The following DMD variants were observed in gnomAD, a reference collection of about 807,000 sequenced individuals.
DMD encodes the protein dystrophin.
Under a neutral mutation model 330.1 loss-of-function variants are expected in DMD, and 63 were observed. That is an observed-to-expected ratio of 0.19 (90% CI 0.16 to 0.24). The LOEUF (loss-of-function observed/expected upper bound fraction) is 0.24, where lower values mean the gene tolerates loss of function less well. Among genes scored for constraint, DMD ranks in the 10% least tolerant of loss-of-function variants. The pLI, the probability that DMD is intolerant of heterozygous loss-of-function variation, is 1.00. For missense variants in DMD, 3,344 were observed against 2,684.1 expected (o/e 1.25, Z -5.43); for synonymous variants, 1,223 against 959.8 (o/e 1.27, Z -5.07).
intron 50 of DMD, among the ~76,000 whole-genome samples, chrX:31,775,359 A>G (rs1442926207): frequency 2.7e-5 from 3 of 111,102 alleles, no homozygotes; most frequent in Non-Finnish European, 3.8e-5. Context: ...GAGAAACTGG[A>G]GATAAGGCCC....
At chrX:32,053,656 C>T (rs1202227212) in intron 44 of DMD, among the ~76,000 whole-genome samples, 2 of 111,098 alleles carry the variant, frequency 1.8e-5, no homozygotes, top group Non-Finnish European at 3.8e-5. Flanking sequence ...CCTTTGTTCC[C>T]TCTGTCAGAG....
At chrX:31,540,606 A>C (rs1025980222) in intron 55 of DMD, among the ~76,000 whole-genome samples, 2 of 111,796 alleles carry the variant, frequency 1.8e-5, no homozygotes, top group African/African-American at 3.3e-5. Flanking sequence ...ACACCAACCT[A>C]TATTTGACTC....
At chrX:31,670,721 G>A (rs1275846632) in intron 53 of DMD, among the ~76,000 whole-genome samples, 6 of 111,177 alleles carry the variant, frequency 5.4e-5, no homozygotes, top group African/African-American at 1.6e-4. Flanking sequence ...TGTTTTTCCC[G>A]TGGTCAGTGC....
At chrX:33,333,221 ATTTT>A (rs1454955284) in intron 1 of DMD, among the ~76,000 whole-genome samples, 2 of 111,325 alleles carry the variant, frequency 1.8e-5, no homozygotes, top group Admixed American at 1.9e-4. Context: ...CTTTCACAGA[ATTTT>A]TTCTTTCTGT....
intron 56 of DMD, among the ~76,000 whole-genome samples, chrX:31,506,860 T>C (rs2070999701): frequency 8.9e-6 from 1 of 112,252 alleles, no homozygotes; most frequent in South Asian, 3.7e-4. Context: ...TATATAATTG[T>C]AATGTGTTAT....
At chrX:31,225,289 A>T (rs2046469714) in intron 63 of DMD, among the ~76,000 whole-genome samples, 1 of 112,518 alleles carries the variant, frequency 8.9e-6, no homozygotes, top group Non-Finnish European at 1.9e-5. Context: ...TTAATCAAAA[A>T]GCCTCATGCC....
intron 2 of DMD, among the ~76,000 whole-genome samples, chrX:32,997,208 T>G (rs1375471360): frequency 9.1e-6 from 1 of 110,332 alleles, no homozygotes; most frequent in Non-Finnish European, 1.9e-5. Flanking sequence ...GGGTACACTG[T>G]AGGTGTATAA....
chrX:33,042,824 G>C (rs1321587697), intron 1 of DMD, among the ~76,000 whole-genome samples: 1 of 111,693 alleles, frequency 9.0e-6, no homozygotes, highest in Non-Finnish European at 1.9e-5. Context: ...GTTATCTAAA[G>C]TTTACATTAA....
At chrX:32,412,737 T>G (rs1183160114) in intron 29 of DMD, among the ~76,000 whole-genome samples, 1 of 111,569 alleles carries the variant, frequency 9.0e-6, no homozygotes, top group Non-Finnish European at 1.9e-5. Context: ...TATGTGTCAT[T>G]TAAAATACAT....
intron 22 of DMD, among the ~76,000 whole-genome samples, chrX:32,469,296 C>T (rs2040372237): frequency 9.1e-6 from 1 of 110,075 alleles, no homozygotes; most frequent in Non-Finnish European, 1.9e-5. Flanking sequence ...AGGATCATAA[C>T]TTTAGACTTC....
chrX:32,339,819 T>A (rs763742432), intron 41 of DMD, among the ~76,000 whole-genome samples: 8 of 112,097 alleles, frequency 7.1e-5, no homozygotes, highest in Non-Finnish European at 1.5e-4. Context: ...GCCTACAGTT[T>A]ATATCTAGAA....
At chrX:31,252,580 C>CA (rs1299418965) in intron 63 of DMD, among the ~76,000 whole-genome samples, 16 of 111,784 alleles carry the variant, frequency 1.4e-4, no homozygotes, top group Admixed American at 5.7e-4. Flanking sequence ...GATGACAGGA[C>CA]AAAAAATCTG....
At chrX:33,051,313 G>C (rs900956129) in intron 1 of DMD, among the ~76,000 whole-genome samples, 1 of 106,234 alleles carries the variant, frequency 9.4e-6, no homozygotes, top group Non-Finnish European at 1.9e-5. Context: ...CTGGGTCCAA[G>C]CGATTCTTCT....
intron 2 of DMD, among the ~76,000 whole-genome samples, chrX:32,953,637 T>C (rs1437563330): frequency 2.7e-5 from 3 of 111,795 alleles, no homozygotes; most frequent in Admixed American, 1.9e-4. Context: ...TACAGAAATA[T>C]TCACTATAGA....
At chrX:32,168,528 C>T (rs1271504404) in intron 44 of DMD, among the ~76,000 whole-genome samples, 5 of 82,085 alleles carry the variant, frequency 6.1e-5, no homozygotes, top group African/African-American at 2.0e-4. Flanking sequence ...AAGCTCTGAC[C>T]AATGACAGTT....
chrX:33,061,015 A>AT (rs978155305), intron 1 of DMD, among the ~76,000 whole-genome samples: 1 of 111,829 alleles, frequency 8.9e-6, no homozygotes, highest in African/African-American at 3.2e-5. Flanking sequence ...AAATTATCAC[A>AT]TTTTAACAAT....
chrX:32,744,283 C>T (rs1281862385), intron 7 of DMD, among the ~76,000 whole-genome samples: 1 of 110,060 alleles, frequency 9.1e-6, no homozygotes, highest in Non-Finnish European at 1.9e-5. Flanking sequence ...TATTTTAACC[C>T]ACATCTTACT....
At chrX:32,664,495 C>T (rs2061175781) in intron 9 of DMD, among the ~76,000 whole-genome samples, 1 of 110,204 alleles carries the variant, frequency 9.1e-6, no homozygotes, top group African/African-American at 3.3e-5. Context: ...CCCGCCTCGG[C>T]CTCTCAAAGT....
intron 9 of DMD, among the ~76,000 whole-genome samples, chrX:32,658,439 A>T (rs1408307882): frequency 9.0e-6 from 1 of 111,349 alleles, no homozygotes; most frequent in Non-Finnish European, 1.9e-5. Flanking sequence ...TGTCACTGCA[A>T]ATTGTAGCCC....
Sources: gnomAD v4.1 joint callset for allele counts (sites outside exome capture counted in the v4.1 genomes callset) on GRCh38, gnomAD v4.1.1 for gene constraint, MANE v1.5 for transcripts, NCBI Gene and HGNC (gene_info 2026-07-23, HGNC 2026-07-21) for gene names.